Variants in BCL2L1 observed in about 807,000 individuals in gnomAD.
BCL2L1 encodes the protein BCL2 like 1, also known as bcl-2-like protein 1.
A neutral mutation model predicts 18.7 loss-of-function variants in BCL2L1; 1 was observed. That is an observed-to-expected ratio of 0.05 (90% CI 0.02 to 0.25). BCL2L1 has a LOEUF of 0.25. Ranked by LOEUF, BCL2L1 falls within the 10% of genes least tolerant of loss-of-function variation. The pLI is 1.00. For missense variants in BCL2L1, 207 were observed against 304.9 expected (o/e 0.68, Z 2.39); for synonymous variants, 103 against 122.7 (o/e 0.84, Z 1.06).
At chr20:31,701,276 T>C (rs563681862) in intron 2 of BCL2L1, among the ~76,000 whole-genome samples, 2 of 152,204 alleles carry the variant, frequency 1.3e-5, no homozygotes, top group South Asian at 4.1e-4. Flanking sequence ...ACGGTCTTGA[T>C]CTCCTGACCT....
At chr20:31,684,250 C>G (rs2060918173) in intron 2 of BCL2L1, among the ~76,000 whole-genome samples, 2 of 152,162 alleles carry the variant, frequency 1.3e-5, no homozygotes, top group Non-Finnish European at 2.9e-5. Flanking sequence ...AAAGCCCTCC[C>G]TAGCAAGGCA....
chr20:31,719,443 G>A (rs2061589092), intron 2 of BCL2L1, among the ~76,000 whole-genome samples: 1 of 152,158 alleles, frequency 6.6e-6, no homozygotes, highest in African/African-American at 2.4e-5. Flanking sequence ...CTGAGAGGAA[G>A]GGGGCGGGTA....
intron 2 of BCL2L1, among the ~76,000 whole-genome samples, chr20:31,711,107 A>G (rs2061446903): frequency 6.6e-6 from 1 of 152,238 alleles, no homozygotes; most frequent in African/African-American, 2.4e-5. Context: ...GTGAGAACCA[A>G]GTAAGATGAT....
chr20:31,676,607 A>G (rs765608497), intron 2 of BCL2L1, among the ~76,000 whole-genome samples: 5 of 152,282 alleles, frequency 3.3e-5, no homozygotes, highest in Non-Finnish European at 5.9e-5. Flanking sequence ...CAGGGTGAGA[A>G]AAACCAATAC....
At chr20:31,666,205 G>A (rs1012109210) in intron 2 of BCL2L1, 119 bp from the exon 3 acceptor site, 104 of 1,316,348 alleles carry the variant, frequency 7.9e-5, no homozygotes, top group Non-Finnish European at 1.0e-4. Context: ...AGCCATCTGT[G>A]CCCACTCTGG....
intron 2 of BCL2L1, among the ~76,000 whole-genome samples, chr20:31,689,486 G>C (rs1481298827): frequency 6.6e-6 from 1 of 151,606 alleles, no homozygotes; most frequent in Non-Finnish European, 1.5e-5. Flanking sequence ...GGTGGTCCTG[G>C]AAGAAACAAG....
intron 2 of BCL2L1, among the ~76,000 whole-genome samples, chr20:31,706,358 C>T (rs1186048948): frequency 6.6e-6 from 1 of 152,206 alleles, no homozygotes; most frequent in Middle Eastern, 3.2e-3. Context: ...TAAATCAAGG[C>T]ACCTCAAGCC....
At chr20:31,666,956 G>C (rs979414659) in intron 2 of BCL2L1, among the ~76,000 whole-genome samples, 1 of 152,164 alleles carries the variant, frequency 6.6e-6, no homozygotes, top group Non-Finnish European at 1.5e-5. Flanking sequence ...GGAGAAGGAC[G>C]CTTAGAACAT....
In BCL2L1 at chr20:31,722,027, C is replaced by T. The variant is rs762082702; in HGVS notation, c.192G>A (p.Ala64=). Residue 64 remains alanine, a synonymous_variant, in exon 2 of 3, where the codon GCG becomes GCA. Transcript: ENST00000307677. ...TGCTGTGGCCAGTGGCTCCATTCACCGCGGGGCTGTCTGCCAGGTGCCAGG... is the reference window on the plus strand; with the variant it reads ...TGCTGTGGCCAGTGGCTCCATTCACTGCGGGGCTGTCTGCCAGGTGCCAGG... ...NPSWHLADSP[A]VNGATGHSSS... is the part of the protein sequence containing the mutation. 4.5e-5 allele frequency: 73 copies of T among 1,611,556 alleles called. No individual in the cohort carries two copies. The highest frequency in any genetic ancestry group is 5.4e-5 in the Non-Finnish European group (64 of 1,178,362).
rs552044815 is a variant in BCL2L1, at chr20:31,707,603, AC to A, written c.564+14051del. ...AGACCAGCCTGATCAACATGGAGAAACCCCGTCTCTACTAAAAAAACAAAAT... is the reference window on the plus strand; with the variant it reads ...AGACCAGCCTGATCAACATGGAGAAACCCGTCTCTACTAAAAAAACAAAAT... On this transcript the variant is annotated intron_variant, in intron 2 of 2. Coordinates refer to ENST00000307677, the MANE Select transcript of BCL2L1 (RefSeq NM_138578.3). 4.0e-5 allele frequency among the ~76,000 whole-genome samples: 6 copies of A among 151,824 alleles called. No individual in the cohort carries two copies. The East Asian group carries it at 1.2e-3, about 29-fold the overall frequency.
At chr20:31,682,558 GC>G (rs2060882145) in intron 2 of BCL2L1, among the ~76,000 whole-genome samples, 1 of 152,136 alleles carries the variant, frequency 6.6e-6, no homozygotes, top group African/African-American at 2.4e-5. Flanking sequence ...CAATCCTCCT[GC>G]CTCAGCCTCC....
Position 31,673,605 on chromosome 20 carries a change from G to A in BCL2L1, c.565-7519C>T, listed in dbSNP as rs536558066. ...GTCAGGGCTGCATTGAATCATGTTT[G>A]GGGCCACTGTACTCCAGCCTGGGCA... On this transcript the variant is annotated intron_variant, in intron 2 of 2. Coordinates refer to ENST00000307677, the MANE Select transcript of BCL2L1 (RefSeq NM_138578.3). Among the ~76,000 whole-genome samples, 10 of 151,960 alleles carry A rather than the reference G, an allele frequency of 6.6e-5. 1 individual carries two copies. Among genetic ancestry groups the A allele is most frequent in the African/African-American group, 2.4e-4 (10 of 41,442 alleles).
chr20:31,704,743 A>AC (rs566070354), intron 2 of BCL2L1, among the ~76,000 whole-genome samples: 235 of 151,570 alleles, frequency 1.6e-3, no homozygotes, highest in African/African-American at 4.8e-3. Flanking sequence ...TCTGGAATGC[A>AC]CCCCCCCAAC....
rs1204774379 is a variant in BCL2L1 at position 31,665,899 on chromosome 20, G to T, written c.*50C>A. On this transcript the variant is annotated 3_prime_UTR_variant, in exon 3 of 3. Coordinates refer to ENST00000307677, the MANE Select transcript of BCL2L1 (RefSeq NM_138578.3). The stretch of plus-strand genomic sequence containing the variant: ...GCAATGGCGGCTGGACGGAGGATGT[G>T]GTGGAGCAGAGAAGGGGGTGGGAGG... 1 of 1,599,210 alleles carries T rather than the reference G, an allele frequency of 6.3e-7. No individual in the cohort carries two copies. The highest frequency in any genetic ancestry group is 8.5e-7 in the Non-Finnish European group (1 of 1,171,238).
chr20:31,688,651 C>T (rs1391342075), intron 2 of BCL2L1, among the ~76,000 whole-genome samples: 1 of 152,088 alleles, frequency 6.6e-6, no homozygotes, highest in Non-Finnish European at 1.5e-5. Flanking sequence ...CCCAGTAATT[C>T]CACTTTTAGG....
Position 31,722,614 on chromosome 20 carries a change from C to T in BCL2L1, c.-131+4G>A, listed in dbSNP as rs888297798. The T allele has an allele frequency of 1.2e-4, 19 of 159,952 alleles. No individual in the cohort carries two copies. In the Admixed American group the frequency reaches 1.2e-3, roughly 10 times the overall value. 9.9% of individuals were successfully genotyped at this position (159,952 alleles called of 1,614,324 possible). A position where few individuals can be genotyped will look rare whatever the true frequency, so the allele number is the denominator to read the frequency against. On this transcript the variant is annotated splice_donor_region_variant and intron_variant, in intron 1 of 2. Coordinates refer to ENST00000307677, the MANE Select transcript of BCL2L1 (RefSeq NM_138578.3). ...CCCCACTCCCGCTCCCCCGCACCAC[C>T]TACATTCAAATCCGCCTTAGGCAAA...
Position 31,721,719 on chromosome 20 carries a change from G to A in BCL2L1, c.500C>T (p.Ala167Val), listed in dbSNP as rs199692294. 1 of 1,614,094 alleles carries A rather than the reference G, an allele frequency of 6.2e-7. No individual in the cohort carries two copies. The highest frequency in any genetic ancestry group is 2.2e-5 in the East Asian group (1 of 44,888). Residue 167 changes from alanine (A) to valine (V), a missense_variant, in exon 2 of 3, where the codon GCA (alanine) becomes GTA (valine). Transcript: ENST00000307677. ...KEMQVLVSRIAAWMATYLNDH... is the reference protein window; with the variant it reads ...KEMQVLVSRIVAWMATYLNDH... ...ATTCAGGTAAGTGGCCATCCAAGCT[G>A]CGATCCGACTCACCAATACCTGCAT...
In BCL2L1 at chr20:31,720,730, A is replaced by G. The variant is rs965272125; in HGVS notation, c.564+925T>C. 4.1e-6 allele frequency: 4 copies of G among 984,570 alleles called. No homozygotes were observed. In the African/African-American group the frequency reaches 5.2e-5, roughly 13 times the overall value. The allele number at this position is 984,570 out of a possible 1,614,324, so 61.0% of individuals were successfully genotyped here. The stretch of plus-strand genomic sequence containing the variant: ...CTCAAGAAAGTAACCCAGCCTGTCC[A>G]AGGTCACACAGCTAGTTACATGACA... On this transcript the variant is annotated intron_variant, in intron 2 of 2. Coordinates refer to ENST00000307677, the MANE Select transcript of BCL2L1 (RefSeq NM_138578.3).
chr20:31,697,892 G>GTTTTTTTTTTTTTTTTTGTTTTTTT (rs199575410), intron 2 of BCL2L1, among the ~76,000 whole-genome samples: 1 of 129,640 alleles, frequency 7.7e-6, no homozygotes. Flanking sequence ...TGCTGTTGCT[G>GTTTTTTTTTTTTTTTTTGTTTTTTT]TTTTTTTTTT....
Sources: allele counts gnomAD v4.1 joint callset (sites outside exome capture counted in the v4.1 genomes callset), GRCh38; gene constraint gnomAD v4.1.1; transcripts MANE v1.5; gene names NCBI Gene and HGNC (gene_info 2026-07-23, HGNC 2026-07-21).